The following CLUAP1 variants were observed in gnomAD, a reference collection of about 807,000 sequenced individuals.
CLUAP1 encodes the protein clusterin-associated protein 1.
Under a neutral mutation model 55.0 loss-of-function variants are expected in CLUAP1, and 50 were observed. The observed-to-expected ratio is 0.91, with a 90% CI of 0.72 to 1.15. The LOEUF (loss-of-function observed/expected upper bound fraction) is 1.15, where lower values mean the gene tolerates loss of function less well. Ranked by LOEUF, CLUAP1 falls within the 50% of genes most tolerant of loss-of-function variation. The pLI is 0.00. For missense variants in CLUAP1, 530 were observed against 507.6 expected, an observed-to-expected ratio of 1.04 and a Z score of -0.42; for synonymous variants, 195 against 175.4, an observed-to-expected ratio of 1.11 and a Z score of -0.88.
chr16:3,523,415 C>T, intron 8 of CLUAP1, 116 bp downstream of exon 8: 2 of 1,232,988 alleles, frequency 1.6e-6, no homozygotes, highest in Middle Eastern at 2.1e-4. Context: ...GTTTTTTCTC[C>T]CTGGTCAGTC....
intron 5 of CLUAP1, among the ~76,000 whole-genome samples, chr16:3,514,610 A>G (rs1399050869): frequency 6.6e-6 from 1 of 152,182 alleles, no homozygotes; most frequent in Admixed American, 6.5e-5. Flanking sequence ...TAAATAACAG[A>G]TTTGTTTCTC....
At position 3,538,624 on chromosome 16, in the gene CLUAP1, ACATAGG is replaced by A. The variant is rs140530883; in HGVS notation, c.*2356_*2361del. ...CTAGCTACAAAGAGCCTATCCACAG[ACATAGG>A]CAACAGCTCCAAAGGGTATTTCATT... On this transcript the variant is annotated 3_prime_UTR_variant, in exon 12 of 12. Transcript: ENST00000576634. 6.6e-6 allele frequency: 1 copy of A among 152,360 alleles called. No individual in the cohort carries two copies. The highest frequency in any genetic ancestry group is 1.9e-4 in the East Asian group (1 of 5,194). 9.4% of individuals were successfully genotyped at this position (152,360 alleles called of 1,614,324 possible). A position where few individuals can be genotyped will look rare whatever the true frequency, so the allele number is the denominator to read the frequency against.
chr16:3,510,334 C>T (rs113155299), intron 4 of CLUAP1, among the ~76,000 whole-genome samples: 308 of 151,198 alleles, frequency 2.0e-3, no homozygotes, highest in African/African-American at 7.1e-3. Flanking sequence ...TGGGGTTTCA[C>T]CATGTTGGCC....
In CLUAP1 at chr16:3,537,267, C is replaced by A. The variant is rs1410833490; in HGVS notation, c.*996C>A. ...TCATGTTTCTGATTTAAAAAAACAA[C>A]AACACAGGATTGAATTAAGTAGAGT... is the stretch of plus-strand genomic sequence containing the variant. On this transcript the variant is annotated 3_prime_UTR_variant, in exon 12 of 12. Transcript: ENST00000576634. 2.6e-5 allele frequency: 4 copies of A among 152,218 alleles called. No homozygotes were observed. Among genetic ancestry groups the A allele is most frequent in the African/African-American group, 9.6e-5 (4 of 41,532 alleles). The allele number at this position is 152,218 out of a possible 1,614,324, so 9.4% of individuals were successfully genotyped here. A position where few individuals can be genotyped will look rare whatever the true frequency, so the allele number is the denominator to read the frequency against.
chr16:3,517,990 A>G (rs149254808), intron 6 of CLUAP1, among the ~76,000 whole-genome samples: 85 of 152,156 alleles, frequency 5.6e-4, no homozygotes, highest in Non-Finnish European at 1.1e-3. Context: ...GGGACAGTGG[A>G]GTGGGGCTGG....
intron 9 of CLUAP1, among the ~76,000 whole-genome samples, chr16:3,527,065 C>A (rs74005828): frequency 0.025 from 3,821 of 152,198 alleles, 150 homozygotes; most frequent in African/African-American, 0.081. Context: ...GCCTAGATTC[C>A]GGGAAGGAGC....
At chr16:3,518,852 G>A (rs370106487) in intron 6 of CLUAP1, among the ~76,000 whole-genome samples, 1 of 152,150 alleles carries the variant, frequency 6.6e-6, no homozygotes, top group Non-Finnish European at 1.5e-5. Flanking sequence ...TCTGGGCTTC[G>A]TAGGCCATTT....
chr16:3,499,914 A>G (rs2037355387), upstream of CLUAP1, among the ~76,000 whole-genome samples: 1 of 152,244 alleles, frequency 6.6e-6, no homozygotes, highest in Non-Finnish European at 1.5e-5. Flanking sequence ...ATTCACTGCA[A>G]CCAACAAAAG....
At chr16:3,520,460 A>T (rs1404887598) in intron 7 of CLUAP1, among the ~76,000 whole-genome samples, 1 of 152,126 alleles carries the variant, frequency 6.6e-6, no homozygotes, top group African/African-American at 2.4e-5. Context: ...TCAAGCAATG[A>T]AAAAAAGCCT....
Position 3,501,032 on chromosome 16 carries a change from C to A in CLUAP1, c.-36C>A, listed in dbSNP as rs750097689. Reference sequence around the variant, plus strand: ...GGGCCTGTGATCGCTGAGGGGCGAGCAGTTGCGACCCTGGGCTCCTGGGGA... The same window carrying A: ...GGGCCTGTGATCGCTGAGGGGCGAGAAGTTGCGACCCTGGGCTCCTGGGGA... On this transcript the variant is annotated 5_prime_UTR_variant, in exon 1 of 12. Transcript: ENST00000576634. 2.3e-5 allele frequency: 36 copies of A among 1,593,646 alleles called. No individual in the cohort carries two copies. The highest frequency in any genetic ancestry group is 3.0e-5 in the Non-Finnish European group (35 of 1,172,576).
intron 1 of CLUAP1, 67 bp downstream of exon 1, chr16:3,501,156 T>G: frequency 6.7e-7 from 1 of 1,493,136 alleles, no homozygotes; most frequent in Non-Finnish European, 9.0e-7. Flanking sequence ...GCCCGCCGGG[T>G]CCCCTGTGTA....
At position 3,512,417 on chromosome 16, in the gene CLUAP1, C is replaced by T. The variant is rs749347271; in HGVS notation, c.434C>T (p.Ser145Phe). 1.9e-6 allele frequency: 3 copies of T among 1,614,054 alleles called. No homozygotes were observed. The highest frequency in any genetic ancestry group is 2.5e-6 in the Non-Finnish European group (3 of 1,179,950). Reference protein sequence around the residue: ...ADLKAARQLASEITSKGASLY... With the variant: ...ADLKAARQLAFEITSKGASLY... ...TTGAAGGCAGCCAGGCAGCTTGCGT[C>T]TGAAATCACCTCCAAAGGAGCATCT... Residue 145 changes from serine (S) to phenylalanine (F), a missense_variant, in exon 5 of 12, where the codon TCT becomes TTT. Transcript: ENST00000576634.
intron 6 of CLUAP1, 51 bp downstream of exon 6, chr16:3,515,642 A>T (rs1206307658): frequency 7.8e-7 from 1 of 1,280,568 alleles, no homozygotes; most frequent in Admixed American, 2.2e-5. Context: ...GGATTCAAAA[A>T]TACTGATTTC....
chr16:3,519,282 G>A (rs1280491968), intron 6 of CLUAP1, among the ~76,000 whole-genome samples: 1 of 152,236 alleles, frequency 6.6e-6, no homozygotes, highest in African/African-American at 2.4e-5. Context: ...TTCCAGAGCT[G>A]GTGCACACCA....
intron 8 of CLUAP1, among the ~76,000 whole-genome samples, chr16:3,526,102 A>G (rs1475776800): frequency 6.6e-6 from 1 of 152,134 alleles, no homozygotes; most frequent in Non-Finnish European, 1.5e-5. Context: ...CAGGTCATAC[A>G]GGCATGCGTG....
Position 3,515,599 on chromosome 16 carries a change from G to T in CLUAP1, c.579+8G>T, listed in dbSNP as rs2037715014. On this transcript the variant is annotated splice_region_variant and intron_variant, in intron 6 of 11. Coordinates refer to ENST00000576634, the MANE Select transcript of CLUAP1 (RefSeq NM_015041.3). ...GCAATAAAAGAGATTTTGGTAAGAT[G>T]ACTTTGCTTTTATATAATGTTTTTT... is the stretch of plus-strand genomic sequence containing the variant. The T allele has an allele frequency of 6.4e-7, 1 of 1,574,010 alleles. No individual in the cohort carries two copies. Among genetic ancestry groups the T allele is most frequent in the South Asian group, 1.2e-5 (1 of 85,000 alleles).
Position 3,512,429 on chromosome 16 carries a change from C to G in CLUAP1, c.446C>G (p.Ser149Cys). The change falls in exon 5 of 12, where the codon TCC (serine) becomes TGC (cysteine). Residue 149 changes from serine (S) to cysteine (C), a missense_variant. By Grantham distance (112) the Ser-to-Cys change is moderately radical. Transcript: ENST00000576634. Reference protein sequence around the residue: ...AARQLASEITSKGASLYDLLG... With the variant: ...AARQLASEITCKGASLYDLLG... ...AGGCAGCTTGCGTCTGAAATCACCTCCAAAGGAGCATCTCTGTATGACTTG... is the reference window on the plus strand; with the variant it reads ...AGGCAGCTTGCGTCTGAAATCACCTGCAAAGGAGCATCTCTGTATGACTTG... 1 of 1,614,084 alleles carries G rather than the reference C, an allele frequency of 6.2e-7. No individual in the cohort carries two copies. Among genetic ancestry groups the G allele is most frequent in the Non-Finnish European group, 8.5e-7 (1 of 1,179,966 alleles).
chr16:3,526,499 C>T lies in CLUAP1; in HGVS notation c.928+15C>T, dbSNP rs2037946155. On this transcript the variant is annotated intron_variant, in intron 9 of 11. Coordinates refer to ENST00000576634, the MANE Select transcript of CLUAP1 (RefSeq NM_015041.3). The stretch of plus-strand genomic sequence containing the variant: ...CAAGAGTGGAAGTAAGGCTGGGCTT[C>T]GTAGACGAGCAGTTTACTCTGGACT... The T allele has an allele frequency of 4.4e-6, 7 of 1,588,660 alleles. No homozygotes were observed. Among genetic ancestry groups the T allele is most frequent in the Admixed American group, 1.8e-5 (1 of 55,608 alleles).
At chr16:3,497,159 C>T (rs2037323128), upstream of CLUAP1, among the ~76,000 whole-genome samples, 1 of 151,836 alleles carries the variant, frequency 6.6e-6, no homozygotes, top group Non-Finnish European at 1.5e-5. Context: ...GCATGACCCA[C>T]CGCGCCCAGC....
Sources: gnomAD v4.1 joint callset for allele counts (sites outside exome capture counted in the v4.1 genomes callset) on GRCh38, gnomAD v4.1.1 for gene constraint, MANE v1.5 for transcripts, NCBI Gene and HGNC (gene_info 2026-07-23, HGNC 2026-07-21) for gene names.